Variants in DLG2 observed in about 807,000 individuals in gnomAD.
The protein encoded by DLG2 is disks large homolog 2.
In DLG2, 45 loss-of-function variants were observed where a neutral mutation model predicts 132.5. The ratio of observed to expected loss-of-function variants is 0.34; its 90% confidence interval spans 0.27 to 0.44. DLG2 has a LOEUF of 0.44. Among genes scored for constraint, DLG2 ranks in the 20% least tolerant of loss-of-function variants. The pLI is 1.00. For synonymous variants in DLG2, 424 were observed against 419.6 expected (o/e 1.01, Z -0.13); for missense variants, 1,045 against 1,196.9 (o/e 0.87, Z 1.87).
chr11:83,957,373 G>C (rs2087151955), intron 14 of DLG2, among the ~76,000 whole-genome samples: 1 of 152,158 alleles, frequency 6.6e-6, no homozygotes, highest in Admixed American at 6.5e-5. Context: ...AGTCAAAACA[G>C]TCTGACTAAG....
chr11:84,618,752 C>T (rs1366807091), intron 6 of DLG2, among the ~76,000 whole-genome samples: 1 of 151,928 alleles, frequency 6.6e-6, no homozygotes, highest in Non-Finnish European at 1.5e-5. Context: ...AAATATGAGA[C>T]CACCATCAAG....
chr11:84,810,837 T>A (rs1224185764), intron 6 of DLG2, among the ~76,000 whole-genome samples: 2 of 152,114 alleles, frequency 1.3e-5, no homozygotes, highest in East Asian at 3.9e-4. Context: ...AAATCTCAAA[T>A]GTATGATGAT....
Position 83,866,048 on chromosome 11 carries a change from T to C in DLG2, c.1565+8372A>G, listed in dbSNP as rs78539920. On this transcript the variant is annotated intron_variant, in intron 16 of 27. Transcript: ENST00000376104. Reference sequence around the variant, plus strand: ...ACCCCGACAAAGTCAGATGCCCTATTATAGGTACTCAGAGCATCACAGTCC... The same window carrying C: ...ACCCCGACAAAGTCAGATGCCCTATCATAGGTACTCAGAGCATCACAGTCC... Among the ~76,000 whole-genome samples the C allele has an allele frequency of 7.2e-3, 1,100 of 152,172 alleles. 17 individuals carry two copies. The highest frequency in any genetic ancestry group is 0.025 in the African/African-American group (1,036 of 41,508).
chr11:84,373,556 C>T (rs1261926921), intron 7 of DLG2, among the ~76,000 whole-genome samples: 2 of 150,964 alleles, frequency 1.3e-5, no homozygotes, highest in East Asian at 3.9e-4. Flanking sequence ...GGTGACAGAG[C>T]AAGACTCTGT....
At chr11:84,417,612 A>G (rs533084272) in intron 7 of DLG2, among the ~76,000 whole-genome samples, 31 of 152,152 alleles carry the variant, frequency 2.0e-4, no homozygotes, top group Non-Finnish European at 4.1e-4. Context: ...CCACAAACAC[A>G]TACCCAACCC....
chr11:85,451,617 G>T (rs1237015972), intron 3 of DLG2, among the ~76,000 whole-genome samples: 1 of 152,120 alleles, frequency 6.6e-6, no homozygotes, highest in African/African-American at 2.4e-5. Flanking sequence ...AATAAGGATA[G>T]TAAAAATACC....
intron 3 of DLG2, among the ~76,000 whole-genome samples, chr11:85,549,988 A>G (rs1377163274): frequency 6.6e-6 from 1 of 152,228 alleles, no homozygotes; most frequent in African/African-American, 2.4e-5. Flanking sequence ...AAAATTAACA[A>G]TAAATATAAG....
At chr11:83,565,540 T>C (rs562242474) in intron 19 of DLG2, among the ~76,000 whole-genome samples, 2 of 150,456 alleles carry the variant, frequency 1.3e-5, no homozygotes, top group East Asian at 3.9e-4. Flanking sequence ...CTGCCAGAAA[T>C]TTCTATTCAG....
At chr11:85,613,436 C>G (rs1253978653) in intron 2 of DLG2, among the ~76,000 whole-genome samples, 1 of 152,164 alleles carries the variant, frequency 6.6e-6, no homozygotes, top group East Asian at 1.9e-4. Flanking sequence ...TTCCCGACAG[C>G]AATTGGGGTG....
chr11:83,501,265 C>G (rs892645891), intron 21 of DLG2, among the ~76,000 whole-genome samples: 3 of 150,840 alleles, frequency 2.0e-5, no homozygotes, highest in African/African-American at 7.3e-5. Flanking sequence ...AGAGAGCTAC[C>G]TAATCCCTCA....
At chr11:83,887,531 C>G (rs1428160094) in intron 15 of DLG2, among the ~76,000 whole-genome samples, 4 of 152,232 alleles carry the variant, frequency 2.6e-5, no homozygotes, top group South Asian at 2.1e-4. Flanking sequence ...TAAGGAGGAA[C>G]TCGTACCATT....
At chr11:83,479,314 G>A (rs578131815) in intron 22 of DLG2, among the ~76,000 whole-genome samples, 12 of 150,834 alleles carry the variant, frequency 8.0e-5, no homozygotes, top group Admixed American at 5.3e-4. Flanking sequence ...ATTATGTGTT[G>A]TACCACTGTT....
chr11:83,472,400 T>A (rs549328749), intron 23 of DLG2, among the ~76,000 whole-genome samples: 7 of 152,272 alleles, frequency 4.6e-5, no homozygotes, highest in African/African-American at 1.4e-4. Flanking sequence ...CTGACATCAG[T>A]CTCTCAGGAG....
intron 3 of DLG2, among the ~76,000 whole-genome samples, chr11:85,533,407 C>G (rs897649208): frequency 2.7e-5 from 4 of 149,730 alleles, no homozygotes; most frequent in African/African-American, 9.8e-5. Flanking sequence ...CATACACACA[C>G]TATATACATA....
chr11:85,387,905 G>C (rs894223254), intron 3 of DLG2, among the ~76,000 whole-genome samples: 14 of 152,160 alleles, frequency 9.2e-5, no homozygotes, highest in African/African-American at 3.4e-4. Context: ...TTTTCTCCAA[G>C]AACTACCACA....
chr11:84,678,069 G>A (rs1048125835), intron 6 of DLG2, among the ~76,000 whole-genome samples: 12 of 152,070 alleles, frequency 7.9e-5, no homozygotes, highest in East Asian at 3.9e-4. Flanking sequence ...AAAAAATTGC[G>A]TCCCTGAAGA....
At chr11:83,874,575 T>A in intron 15 of DLG2, 87 bp from the exon 16 acceptor site, 1 of 1,035,752 alleles carries the variant, frequency 9.7e-7, no homozygotes. Context: ...TTAGGGTACA[T>A]GTGCACAACG....
chr11:84,335,147 G>A (rs1376938696), intron 7 of DLG2, among the ~76,000 whole-genome samples: 2 of 35,796 alleles, frequency 5.6e-5, no homozygotes, highest in African/African-American at 1.1e-4. Context: ...AAGAAAGCAA[G>A]CAATAAAGAA....
chr11:84,990,570 T>A lies in DLG2; in HGVS notation c.357+121091A>T, dbSNP rs577862065. On this transcript the variant is annotated intron_variant, in intron 6 of 27. Transcript: ENST00000376104. The stretch of plus-strand genomic sequence containing the variant: ...ATAAATGTGTATTATATAGACATTA[T>A]CCAGCCTAAAGCATTTTGTTATAGC... 7.9e-5 allele frequency among the ~76,000 whole-genome samples: 12 copies of A among 152,154 alleles called. No individual in the cohort carries two copies. In the East Asian group the frequency reaches 2.3e-3, roughly 29 times the overall value.
Sources: gnomAD v4.1 joint callset for allele counts (sites outside exome capture counted in the v4.1 genomes callset) on GRCh38, gnomAD v4.1.1 for gene constraint, MANE v1.5 for transcripts, NCBI Gene and HGNC (gene_info 2026-07-23, HGNC 2026-07-21) for gene names.